NTNG2: variants seen among roughly 807,000 people sequenced by gnomAD.
The protein encoded by NTNG2 is netrin-G2.
NTNG2 carries 15 observed loss-of-function variants against 47.6 expected under a neutral mutation model. That is an observed-to-expected ratio of 0.32 (90% CI 0.21 to 0.49). The LOEUF (loss-of-function observed/expected upper bound fraction) is 0.49. Ranked by LOEUF, NTNG2 falls within the 20% of genes least tolerant of loss-of-function variation. The pLI is 0.99. For missense variants in NTNG2, 578 were observed against 764.6 expected (o/e 0.76, Z 2.88); for synonymous variants, 307 against 324.6 (o/e 0.95, Z 0.58).
At chr9:132,209,574 C>T (rs1839432731) in intron 3 of NTNG2, among the ~76,000 whole-genome samples, 1 of 152,132 alleles carries the variant, frequency 6.6e-6, no homozygotes, top group Admixed American at 6.5e-5. Context: ...GTCCATGCTG[C>T]GGCGGGTCCA....
intron 3 of NTNG2, among the ~76,000 whole-genome samples, chr9:132,200,166 A>C (rs1016966326): frequency 1.3e-5 from 2 of 152,244 alleles, no homozygotes; most frequent in Non-Finnish European, 2.9e-5. Flanking sequence ...AAAGTGTTTA[A>C]TAAAAAAATT....
Position 132,172,502 on chromosome 9 carries a change from C to T in NTNG2, c.213+5458C>T, listed in dbSNP as rs997819226. On this transcript the variant is annotated intron_variant, in intron 2 of 7. Coordinates refer to ENST00000393229, the MANE Select transcript of NTNG2 (RefSeq NM_032536.4). ...CTTGGCACATAGTAGTTGCTCACTGCGTGCTGGCTGTTGGGACCAATTCTG... is the reference window on the plus strand; with the variant it reads ...CTTGGCACATAGTAGTTGCTCACTGTGTGCTGGCTGTTGGGACCAATTCTG... 5.9e-5 allele frequency among the ~76,000 whole-genome samples: 9 copies of T among 152,286 alleles called. 1 individual carries two copies. Among genetic ancestry groups the T allele is most frequent in the East Asian group, 1.9e-4 (1 of 5,182 alleles).
rs1381111494 is a variant in NTNG2 at position 132,180,598 on chromosome 9, G to A, written c.213+13554G>A. Among the ~76,000 whole-genome samples, 7 of 152,304 alleles carry A rather than the reference G, an allele frequency of 4.6e-5. No individual in the cohort carries two copies. The highest frequency in any genetic ancestry group is 1.9e-4 in the East Asian group (1 of 5,170). On this transcript the variant is annotated intron_variant, in intron 2 of 7. Transcript: ENST00000393229. The surrounding 1 kb of genome is among the most constrained non-coding windows in gnomAD (Gnocchi z 4.2). ...CCCCGGGCAAGTCTCTTCCCATTTCGGGGTATAGACTTCCTGCCTGTAAAA... is the reference window on the plus strand; with the variant it reads ...CCCCGGGCAAGTCTCTTCCCATTTCAGGGTATAGACTTCCTGCCTGTAAAA...
intron 1 of NTNG2, among the ~76,000 whole-genome samples, chr9:132,165,214 G>A (rs181855412): frequency 2.6e-5 from 4 of 152,134 alleles, no homozygotes; most frequent in African/African-American, 9.7e-5. Context: ...TCCGGGTGAC[G>A]TATCCAGTGT....
rs112615507 is a variant in NTNG2, at chr9:132,178,207, A to C, written c.213+11163A>C. On this transcript the variant is annotated intron_variant, in intron 2 of 7. Coordinates refer to ENST00000393229, the MANE Select transcript of NTNG2 (RefSeq NM_032536.4). ...CCCTCCCCTTCCCCTCCCCACCCTC[A>C]TTTTCTTCTCCCTCTTTCAGGCTGG... Among the ~76,000 whole-genome samples the C allele has an allele frequency of 6.7e-3, 1,007 of 151,024 alleles. 7 individuals carry two copies. The highest frequency in any genetic ancestry group is 0.023 in the African/African-American group (947 of 41,080).
intron 2 of NTNG2, among the ~76,000 whole-genome samples, chr9:132,170,379 G>T (rs1281644894): frequency 3.3e-5 from 5 of 152,234 alleles, no homozygotes; most frequent in African/African-American, 1.2e-4. Flanking sequence ...GGACAAAATT[G>T]CAATGAGGGC....
rs1189342677 is a variant in NTNG2 at position 132,236,014 on chromosome 9, ACTCC to A, written c.1055-3085_1055-3082del. ...CCCCACGCCAAGCCCTTCCACCAGC[ACTCC>A]CTCCGAGGGCTTCGGAGTCTGGTAG... On this transcript the variant is annotated intron_variant, in intron 5 of 7. Coordinates refer to ENST00000393229, the MANE Select transcript of NTNG2 (RefSeq NM_032536.4). This position sits in a 1 kb window ranked among gnomAD's most constrained non-coding sequence, Gnocchi z 4.3. Among the ~76,000 whole-genome samples the A allele has an allele frequency of 6.6e-6, 1 of 151,636 alleles. No individual in the cohort carries two copies. The highest frequency in any genetic ancestry group is 1.5e-5 in the Non-Finnish European group (1 of 67,936).
At chr9:132,225,052 T>TG (rs1384143260) in intron 3 of NTNG2, among the ~76,000 whole-genome samples, 4 of 151,800 alleles carry the variant, frequency 2.6e-5, no homozygotes, top group African/African-American at 9.7e-5. Context: ...CCCCAGTAGC[T>TG]GGGATTACAG....
At chr9:132,214,324 G>C (rs985698127) in intron 3 of NTNG2, among the ~76,000 whole-genome samples, 5 of 152,196 alleles carry the variant, frequency 3.3e-5, no homozygotes, top group Admixed American at 3.3e-4. Context: ...TGGTGCCCCC[G>C]CAGCAGCTCC....
At chr9:132,185,172 A>C (rs1837261954) in intron 2 of NTNG2, among the ~76,000 whole-genome samples, 1 of 152,184 alleles carries the variant, frequency 6.6e-6, no homozygotes, top group Non-Finnish European at 1.5e-5. Flanking sequence ...GCTGGGGACC[A>C]GGCTTCACTC....
intron 2 of NTNG2, among the ~76,000 whole-genome samples, chr9:132,177,425 T>C (rs755986796): frequency 2.0e-5 from 3 of 152,252 alleles, no homozygotes; most frequent in Non-Finnish European, 2.9e-5. Flanking sequence ...ACTTTTATAG[T>C]TTTAGCTCTT....
At chr9:132,167,342 A>G (rs1329488957) in intron 2 of NTNG2, among the ~76,000 whole-genome samples, 6 of 152,346 alleles carry the variant, frequency 3.9e-5, no homozygotes, top group Non-Finnish European at 8.8e-5. Context: ...TCAGCTCCGC[A>G]GCCTTCAGGC....
intron 3 of NTNG2, among the ~76,000 whole-genome samples, chr9:132,213,331 CAAA>C (rs61393543): frequency 1.4e-4 from 15 of 104,396 alleles, no homozygotes; most frequent in African/African-American, 4.0e-4. Flanking sequence ...GACTCCATCT[CAAA>C]AAAAAAAAAA....
chr9:132,167,010 C>T lies in NTNG2; in HGVS notation c.179C>T (p.Thr60Ile). Residue 60 changes from threonine to isoleucine, a missense_variant, in exon 2 of 8, where the codon ACA becomes ATA. By Grantham distance (89) the Thr-to-Ile change is moderately conservative. Transcript: ENST00000393229. ...GTGAAGGTGGAGCCCTCAGGCATCA[C>T]ATGTGGAGACCCCCCTGAGAGGTTC... ...VKVKVEPSGI[T>I]CGDPPERFCS... 6.2e-7 allele frequency: 1 copy of T among 1,614,260 alleles called. No homozygotes were observed. Among genetic ancestry groups the T allele is most frequent in the African/African-American group, 1.3e-5 (1 of 75,076 alleles).
At chr9:132,224,464 TC>T (rs1840586521) in intron 3 of NTNG2, among the ~76,000 whole-genome samples, 1 of 152,112 alleles carries the variant, frequency 6.6e-6, no homozygotes, top group African/African-American at 2.4e-5. Flanking sequence ...CTATTTATCC[TC>T]CCTCCCTGTC....
At position 132,241,036 on chromosome 9, in the gene NTNG2, G is replaced by T. The variant is rs1379282450; in HGVS notation, c.1349G>T (p.Gly450Val). 1.5e-5 allele frequency: 24 copies of T among 1,601,152 alleles called. No homozygotes were observed. The highest frequency in any genetic ancestry group is 1.7e-5 in the Non-Finnish European group (20 of 1,177,368). ...CTCCCCACGCACTACTGGCGCCAGG[G>T]CTGCTACCGTGAGTGCGCGCCGTCC... Reference protein sequence around the residue: ...DCLPTHYWRQGCYPNVCDDDQ... With the variant: ...DCLPTHYWRQVCYPNVCDDDQ... Residue 450 changes from glycine (G) to valine (V), a missense_variant, in exon 7 of 8, where the codon GGC (glycine) becomes GTC (valine). Gly to Val is a moderately radical substitution (Grantham distance 109). Transcript: ENST00000393229.
chr9:132,194,762 A>T (rs1436467853), intron 2 of NTNG2, among the ~76,000 whole-genome samples: 1 of 152,210 alleles, frequency 6.6e-6, no homozygotes, highest in East Asian at 1.9e-4. Flanking sequence ...GGATTTGTGG[A>T]ACCTGCCTCA....
rs112098076 is a variant in NTNG2, at chr9:132,212,335, C to T, written c.857+13726C>T. Among the ~76,000 whole-genome samples the T allele has an allele frequency of 2.8e-3, 429 of 152,286 alleles. 1 individual carries two copies. Among genetic ancestry groups the T allele is most frequent in the African/African-American group, 9.7e-3 (405 of 41,542 alleles). The stretch of plus-strand genomic sequence containing the variant: ...ACACCCAAGCCTCCCAGCACCCGCC[C>T]GTCAGCCTCTGTGTTGTGTGCAAGG... On this transcript the variant is annotated intron_variant, in intron 3 of 7. Coordinates refer to ENST00000393229, the MANE Select transcript of NTNG2 (RefSeq NM_032536.4).
intron 2 of NTNG2, among the ~76,000 whole-genome samples, chr9:132,175,611 G>T (rs904331914): frequency 6.6e-6 from 1 of 152,220 alleles, no homozygotes; most frequent in Non-Finnish European, 1.5e-5. Flanking sequence ...TGCAGGATCC[G>T]ATTTGTTTTT....
Sources: allele counts gnomAD v4.1 joint callset (sites outside exome capture counted in the v4.1 genomes callset), GRCh38; gene constraint gnomAD v4.1.1; non-coding constraint Gnocchi (gnomAD v3.1); transcripts MANE v1.5; gene names NCBI Gene and HGNC (gene_info 2026-07-23, HGNC 2026-07-21).